Variants in DISC1 observed in about 807,000 individuals in gnomAD.
The protein encoded by DISC1 is disrupted in schizophrenia 1 protein.
In DISC1, 57 loss-of-function variants were observed where a neutral mutation model predicts 84.5. The observed-to-expected ratio is 0.67, with a 90% CI of 0.55 to 0.84. The LOEUF (loss-of-function observed/expected upper bound fraction) is 0.84. DISC1 is among the 40% of genes least tolerant of loss of function. The pLI is 0.00. For synonymous variants in DISC1, 411 were observed against 415.2 expected, an observed-to-expected ratio of 0.99 and a Z score of 0.12; for missense variants, 1,000 against 1,057.8, an observed-to-expected ratio of 0.95 and a Z score of 0.76.
intron 9 of DISC1, among the ~76,000 whole-genome samples, chr1:231,900,353 C>T (rs980343861): frequency 6.6e-6 from 1 of 152,184 alleles, no homozygotes. Flanking sequence ...AATTTTATCA[C>T]AAGAAGCAGT....
At chr1:231,962,860 C>A (rs989566675) in intron 10 of DISC1, among the ~76,000 whole-genome samples, 3 of 152,174 alleles carry the variant, frequency 2.0e-5, no homozygotes, top group African/African-American at 7.2e-5. Context: ...GGGCGGGCAC[C>A]ATGGGCTCAT....
intron 9 of DISC1, among the ~76,000 whole-genome samples, chr1:231,852,686 C>T (rs994911487): frequency 1.3e-5 from 2 of 152,158 alleles, no homozygotes; most frequent in African/African-American, 4.8e-5. Context: ...TCCCTCTCTG[C>T]CTAAACTGGC....
chr1:231,730,459 G>A (rs756078385), intron 3 of DISC1, among the ~76,000 whole-genome samples: 2 of 152,142 alleles, frequency 1.3e-5, no homozygotes, highest in Non-Finnish European at 2.9e-5. Context: ...GGGGATACAT[G>A]TTGTGCAGGT....
intron 9 of DISC1, among the ~76,000 whole-genome samples, chr1:231,870,126 A>G (rs1271052595): frequency 2.0e-5 from 3 of 152,156 alleles, no homozygotes; most frequent in Admixed American, 6.5e-5. Flanking sequence ...GAAGGCTCAG[A>G]AGATGAGGTT....
intron 9 of DISC1, among the ~76,000 whole-genome samples, chr1:231,883,341 C>A (rs1354437955): frequency 6.6e-6 from 1 of 152,104 alleles, no homozygotes; most frequent in African/African-American, 2.4e-5. Context: ...CCCCAGCAAC[C>A]CCTTGCCGTC....
intron 2 of DISC1, among the ~76,000 whole-genome samples, chr1:231,699,037 G>C (rs1029207398): frequency 6.6e-6 from 1 of 152,124 alleles, no homozygotes; most frequent in African/African-American, 2.4e-5. Context: ...TGTTTTTTGC[G>C]TATGCTTCAT....
intron 9 of DISC1, among the ~76,000 whole-genome samples, chr1:231,872,906 A>C (rs902885358): frequency 2.6e-5 from 4 of 152,230 alleles, no homozygotes; most frequent in African/African-American, 9.6e-5. Flanking sequence ...TGGCTTTGAC[A>C]TACATTTTCA....
chr1:231,749,190 T>A (rs1031778475), intron 3 of DISC1, among the ~76,000 whole-genome samples: 1 of 152,284 alleles, frequency 6.6e-6, no homozygotes, highest in South Asian at 2.1e-4. Flanking sequence ...AACACTCCAG[T>A]CAAATCTTAC....
chr1:231,857,748 TC>T (rs1196052375), intron 9 of DISC1, among the ~76,000 whole-genome samples: 1 of 152,212 alleles, frequency 6.6e-6, no homozygotes, highest in Non-Finnish European at 1.5e-5. Flanking sequence ...AGCCATGACT[TC>T]TCACTGTCAG....
intron 9 of DISC1, among the ~76,000 whole-genome samples, chr1:231,852,032 A>G (rs1347034035): frequency 2.6e-5 from 4 of 152,090 alleles, no homozygotes; most frequent in Non-Finnish European, 5.9e-5. Context: ...CTACTGCTAC[A>G]GCAGGAACAG....
chr1:231,792,911 C>A (rs1002510890), intron 6 of DISC1, among the ~76,000 whole-genome samples: 10 of 152,224 alleles, frequency 6.6e-5, no homozygotes, highest in African/African-American at 2.4e-4. Context: ...CTCCTGAATT[C>A]TGAAGAGTCT....
chr1:231,779,120 A>G (rs2077182481), intron 6 of DISC1, among the ~76,000 whole-genome samples: 1 of 152,170 alleles, frequency 6.6e-6, no homozygotes, highest in Non-Finnish European at 1.5e-5. Context: ...CTACCTTCTG[A>G]CTGCCACCTG....
chr1:231,746,939 A>AT (rs1184772236), intron 3 of DISC1, among the ~76,000 whole-genome samples: 2 of 151,868 alleles, frequency 1.3e-5, no homozygotes, highest in Admixed American at 6.6e-5. Context: ...TATATCTTTT[A>AT]TTTTTTTGAG....
At chr1:231,878,925 A>G (rs918713560) in intron 9 of DISC1, among the ~76,000 whole-genome samples, 3 of 152,120 alleles carry the variant, frequency 2.0e-5, no homozygotes, top group Non-Finnish European at 4.4e-5. Context: ...ACAACATGAG[A>G]CTCATCCAGA....
intron 10 of DISC1, among the ~76,000 whole-genome samples, chr1:231,998,430 A>T (rs1262428534): frequency 2.0e-5 from 3 of 152,216 alleles, no homozygotes; most frequent in Non-Finnish European, 2.9e-5. Flanking sequence ...CAGGATAGAA[A>T]AAAAGGTGAT....
intron 3 of DISC1, among the ~76,000 whole-genome samples, chr1:231,717,085 T>G (rs2068846210): frequency 6.6e-6 from 1 of 152,188 alleles, no homozygotes; most frequent in South Asian, 2.1e-4. Flanking sequence ...TCCTGTTGCT[T>G]GGCCCAGCTC....
intron 9 of DISC1, among the ~76,000 whole-genome samples, chr1:231,848,304 C>T (rs2083609058): frequency 6.6e-6 from 1 of 151,786 alleles, no homozygotes; most frequent in Non-Finnish European, 1.5e-5. Context: ...GTATTCATAC[C>T]CTGCAGTGTT....
At chr1:231,978,030 CT>C (rs1241736543) in intron 10 of DISC1, among the ~76,000 whole-genome samples, 1 of 151,744 alleles carries the variant, frequency 6.6e-6, no homozygotes, top group African/African-American at 2.4e-5. Context: ...ATTGTTTGTC[CT>C]ACGGAATTTG....
intron 9 of DISC1, among the ~76,000 whole-genome samples, chr1:231,864,588 G>C (rs1044411455): frequency 1.1e-4 from 16 of 152,098 alleles, no homozygotes; most frequent in African/African-American, 3.9e-4. Context: ...ACATGAACCC[G>C]GGAGGCAGAG....
Sources: gnomAD v4.1 joint callset for allele counts (sites outside exome capture counted in the v4.1 genomes callset) on GRCh38, gnomAD v4.1.1 for gene constraint, MANE v1.5 for transcripts, NCBI Gene and HGNC (gene_info 2026-07-23, HGNC 2026-07-21) for gene names.